The following PDZD2 variants were observed in gnomAD, a reference collection of about 807,000 sequenced individuals.
PDZD2 encodes PDZ domain containing 2.
A neutral mutation model predicts 220.7 loss-of-function variants in PDZD2; 90 were observed. That is an observed-to-expected ratio of 0.41 (90% CI 0.34 to 0.49). The LOEUF (loss-of-function observed/expected upper bound fraction) is 0.49. PDZD2 is among the 20% of genes least tolerant of loss of function. PDZD2 has a pLI of 0.28. For missense variants in PDZD2, 3,174 were observed against 3,608.5 expected (o/e 0.88, Z 3.08); for synonymous variants, 1,375 against 1,450.5 (o/e 0.95, Z 1.18).
intron 2 of PDZD2, among the ~76,000 whole-genome samples, chr5:31,969,771 T>C (rs1363326428): frequency 6.6e-6 from 1 of 152,166 alleles, no homozygotes; most frequent in African/African-American, 2.4e-5. Context: ...TGGATATGCC[T>C]CAGTAAAGTC....
intron 1 of PDZD2, among the ~76,000 whole-genome samples, chr5:31,786,686 TG>T (rs1389105934): frequency 6.6e-6 from 1 of 152,092 alleles, no homozygotes; most frequent in African/African-American, 2.4e-5. Context: ...GTAGGGGGAA[TG>T]CCAGAGCTGG....
chr5:32,066,547 C>T (rs1740230083), intron 14 of PDZD2, among the ~76,000 whole-genome samples: 1 of 152,202 alleles, frequency 6.6e-6, no homozygotes, highest in African/African-American at 2.4e-5. Context: ...TCAGCTCCTT[C>T]CTCCAGAATC....
At chr5:32,055,668 G>A (rs893727040) in intron 10 of PDZD2, among the ~76,000 whole-genome samples, 2 of 151,978 alleles carry the variant, frequency 1.3e-5, no homozygotes, top group African/African-American at 2.4e-5. Flanking sequence ...TGTGTTATAC[G>A]GGTTCTTTTT....
At chr5:31,856,826 C>T (rs1758486718) in intron 2 of PDZD2, among the ~76,000 whole-genome samples, 1 of 151,780 alleles carries the variant, frequency 6.6e-6, no homozygotes, top group African/African-American at 2.4e-5. Flanking sequence ...GCTCTGCCCT[C>T]CAGAGGGTGG....
Position 32,000,032 on chromosome 5 carries a change from C to T in PDZD2, c.1122-107C>T. The T allele has an allele frequency of 1.1e-6, 1 of 917,168 alleles. No homozygotes were observed. The highest frequency in any genetic ancestry group is 1.7e-6 in the Non-Finnish European group (1 of 587,850). 56.8% of individuals were successfully genotyped at this position (917,168 alleles called of 1,614,324 possible). On this transcript the variant is annotated intron_variant, in intron 4 of 24. Coordinates refer to ENST00000438447, the MANE Select transcript of PDZD2 (RefSeq NM_178140.4). The surrounding 1 kb of genome is among the most constrained non-coding windows in gnomAD (Gnocchi z 4.5). ...GGCCATCACAGTATCCTCTTTAGCC[C>T]AATCTTAACCGTCCCTCCTCACAAC...
intron 6 of PDZD2, among the ~76,000 whole-genome samples, chr5:32,032,777 G>A (rs956425438): frequency 1.3e-5 from 2 of 152,172 alleles, no homozygotes; most frequent in African/African-American, 4.8e-5. Flanking sequence ...TTCAGATGAG[G>A]ACACTGACGT....
intron 2 of PDZD2, among the ~76,000 whole-genome samples, chr5:31,842,871 T>C (rs989382531): frequency 6.6e-6 from 1 of 151,916 alleles, no homozygotes; most frequent in African/African-American, 2.4e-5. Flanking sequence ...TTTGTTGTTG[T>C]TGTTTTGTTT....
At chr5:31,716,067 C>G (rs559590542) in intron 1 of PDZD2, among the ~76,000 whole-genome samples, 1 of 152,176 alleles carries the variant, frequency 6.6e-6, no homozygotes, top group Non-Finnish European at 1.5e-5. Context: ...TAGGGACTGC[C>G]TATATGTGAA....
At chr5:32,031,700 G>C (rs920593382) in intron 6 of PDZD2, among the ~76,000 whole-genome samples, 2 of 152,008 alleles carry the variant, frequency 1.3e-5, no homozygotes, top group Non-Finnish European at 2.9e-5. Context: ...GGGGGAGAAA[G>C]CTTGGGCCTT....
At chr5:32,077,843 G>C in intron 19 of PDZD2, 1 of 415,516 alleles carries the variant, frequency 2.4e-6, no homozygotes, top group South Asian at 2.1e-5. Context: ...TTTAATCCCA[G>C]CTACTTGGGA....
At chr5:32,077,272 G>T (rs1741386089) in intron 18 of PDZD2, among the ~76,000 whole-genome samples, 190 bp from the exon 19 acceptor site, 1 of 152,110 alleles carries the variant, frequency 6.6e-6, no homozygotes, top group African/African-American at 2.4e-5. Flanking sequence ...AAAAATGGAG[G>T]CTTGGGGAAG....
At chr5:31,873,796 T>TCTC (rs1739055941) in intron 2 of PDZD2, among the ~76,000 whole-genome samples, 1 of 150,896 alleles carries the variant, frequency 6.6e-6, no homozygotes, top group African/African-American at 2.4e-5. Flanking sequence ...AATGGTGTGA[T>TCTC]CTCGGCTCAC....
At position 32,000,854 on chromosome 5, in the gene PDZD2, C is replaced by T. The variant is rs933591204; in HGVS notation, c.1254+583C>T. 1.3e-5 allele frequency among the ~76,000 whole-genome samples: 2 copies of T among 152,190 alleles called. No individual in the cohort carries two copies. Among genetic ancestry groups the T allele is most frequent in the African/African-American group, 4.8e-5 (2 of 41,444 alleles). On this transcript the variant is annotated intron_variant, in intron 5 of 24. Transcript: ENST00000438447. This position sits in a 1 kb window ranked among gnomAD's most constrained non-coding sequence, Gnocchi z 4.5. Reference sequence around the variant, plus strand: ...TATATGTTAGGGCAGGTGTCCCCAGCCCCTGGGCTGTGGATGGGCACTGGT... The same window carrying T: ...TATATGTTAGGGCAGGTGTCCCCAGTCCCTGGGCTGTGGATGGGCACTGGT...
intron 2 of PDZD2, among the ~76,000 whole-genome samples, chr5:31,949,651 A>G (rs1438288630): frequency 6.8e-6 from 1 of 147,872 alleles, no homozygotes; most frequent in Non-Finnish European, 1.5e-5. Context: ...ATCGTAAGAT[A>G]GCATTGCCAT....
chr5:31,986,034 C>T (rs1750685829), intron 3 of PDZD2, among the ~76,000 whole-genome samples: 1 of 138,432 alleles, frequency 7.2e-6, no homozygotes, highest in South Asian at 2.3e-4. Flanking sequence ...AAGATCGCGC[C>T]ATTGCACTCC....
intron 1 of PDZD2, among the ~76,000 whole-genome samples, chr5:31,664,311 C>G (rs1415811965): frequency 6.6e-6 from 1 of 152,064 alleles, no homozygotes; most frequent in East Asian, 1.9e-4. Flanking sequence ...CTGAAACCTC[C>G]AAGTTTTAAC....
chr5:32,063,963 T>G (rs1739945073), intron 14 of PDZD2, among the ~76,000 whole-genome samples: 1 of 152,224 alleles, frequency 6.6e-6, no homozygotes, highest in South Asian at 2.1e-4. Flanking sequence ...AACCTTGACC[T>G]GAGCAGAGTA....
At chr5:32,047,572 T>C (rs554857883) in intron 7 of PDZD2, among the ~76,000 whole-genome samples, 9 of 152,352 alleles carry the variant, frequency 5.9e-5, no homozygotes, top group African/African-American at 1.9e-4. Context: ...CAAAGGCCAT[T>C]TGTGGCCCAC....
At chr5:31,948,960 G>A (rs1480207272) in intron 2 of PDZD2, among the ~76,000 whole-genome samples, 1 of 151,904 alleles carries the variant, frequency 6.6e-6, no homozygotes, top group Non-Finnish European at 1.5e-5. Flanking sequence ...TTAGCTGGGA[G>A]TAGTGGCAAG....
Sources: allele counts gnomAD v4.1 joint callset (sites outside exome capture counted in the v4.1 genomes callset), GRCh38; gene constraint gnomAD v4.1.1; non-coding constraint Gnocchi (gnomAD v3.1); transcripts MANE v1.5; gene names NCBI Gene and HGNC (gene_info 2026-07-23, HGNC 2026-07-21).